Variants in TENM3 observed in about 807,000 individuals in gnomAD.
The protein encoded by TENM3 is teneurin-3.
A neutral mutation model predicts 255.1 loss-of-function variants in TENM3; 63 were observed. That is an observed-to-expected ratio of 0.25 (90% CI 0.20 to 0.30). TENM3 has a LOEUF of 0.30. Ranked by LOEUF, TENM3 falls within the 10% of genes least tolerant of loss-of-function variation. The pLI, the probability that TENM3 is intolerant of heterozygous loss-of-function variation, is 1.00. For missense variants in TENM3, 2,929 were observed against 3,461.1 expected (o/e 0.85, Z 3.86); for synonymous variants, 1,306 against 1,322.3 (o/e 0.99, Z 0.27).
At chr4:181,758,604 C>T in the TENM3 span, among the ~76,000 whole-genome samples, 61,420 of 151,700 alleles carry the variant, frequency 0.4, 12,806 homozygotes, top group African/African-American at 0.53. Flanking sequence ...AGGATAATTG[C>T]ACCTTACGGA....
chr4:182,101,666 G>A, the TENM3 span, among the ~76,000 whole-genome samples: 8 of 152,258 alleles, frequency 5.3e-5, no homozygotes, highest in South Asian at 8.3e-4. Flanking sequence ...CAAAGTTCCC[G>A]TGAGACAGGA....
the TENM3 span, among the ~76,000 whole-genome samples, chr4:181,531,810 G>T: frequency 6.6e-6 from 1 of 152,196 alleles, no homozygotes; most frequent in African/African-American, 2.4e-5. Context: ...CTTCCCTGAG[G>T]CACTGCTGCT....
the TENM3 span, among the ~76,000 whole-genome samples, chr4:182,119,009 C>T: frequency 1.2e-4 from 18 of 152,182 alleles, no homozygotes; most frequent in East Asian, 5.8e-4. Context: ...GGAAGCATTC[C>T]GTAGTCCCAT....
At chr4:182,414,837 A>G (rs1420698140) in intron 3 of TENM3, among the ~76,000 whole-genome samples, 1 of 152,202 alleles carries the variant, frequency 6.6e-6, no homozygotes, top group African/African-American at 2.4e-5. Context: ...ACACACACAC[A>G]AAGATAAATG....
chr4:182,660,915 G>A (rs1289285609), intron 6 of TENM3, among the ~76,000 whole-genome samples: 1 of 152,116 alleles, frequency 6.6e-6, no homozygotes, highest in Non-Finnish European at 1.5e-5. Flanking sequence ...AGGGAAAAGC[G>A]GAGTGTACCC....
In TENM3 at chr4:182,800,098, A is replaced by T. The variant is rs1326495990; in HGVS notation, c.7847A>T (p.Glu2616Val). The T allele has an allele frequency of 6.3e-7, 1 of 1,581,558 alleles. No homozygotes were observed. The highest frequency in any genetic ancestry group is 2.3e-5 in the East Asian group (1 of 43,460). The change falls in exon 28 of 28, where the codon GAG becomes GTG. Residue 2616 changes from glutamate (E) to valine (V), a missense_variant. Transcript: ENST00000511685. ...HVRYGMTLDE[E>V]KARILEQARQ... The stretch of plus-strand genomic sequence containing the variant: ...CGCTACGGCATGACCCTGGACGAGG[A>T]GAAGGCGCGCATCCTGGAGCAGGCG...
the TENM3 span, among the ~76,000 whole-genome samples, chr4:181,792,318 C>T: frequency 3.3e-5 from 5 of 151,864 alleles, no homozygotes; most frequent in Admixed American, 2.6e-4. Context: ...TATTTTGGCT[C>T]AAAAATGGAA....
chr4:181,647,183 CA>C, the TENM3 span, among the ~76,000 whole-genome samples: 2 of 152,046 alleles, frequency 1.3e-5, no homozygotes, highest in African/African-American at 4.8e-5. Context: ...AACCTAAGAC[CA>C]AGCAACAACT....
chr4:181,926,380 C>G, the TENM3 span, among the ~76,000 whole-genome samples: 1 of 152,074 alleles, frequency 6.6e-6, no homozygotes, highest in Admixed American at 6.6e-5. Context: ...GCAAGAAACC[C>G]AGCTAAAGTA....
intron 2 of TENM3, among the ~76,000 whole-genome samples, chr4:182,335,238 C>T (rs568368047): frequency 1.2e-3 from 176 of 149,860 alleles, no homozygotes; most frequent in Non-Finnish European, 2.3e-3. Flanking sequence ...GTGGCTCACG[C>T]CTGTAATCCC....
At chr4:181,717,970 A>T in the TENM3 span, among the ~76,000 whole-genome samples, 6 of 152,206 alleles carry the variant, frequency 3.9e-5, no homozygotes, top group Non-Finnish European at 5.9e-5. Context: ...ATAGCAGAAA[A>T]ATGCCTCTTC....
chr4:182,439,260 CT>C (rs1772275562), intron 3 of TENM3, among the ~76,000 whole-genome samples: 1 of 152,166 alleles, frequency 6.6e-6, no homozygotes, highest in Admixed American at 6.5e-5. Flanking sequence ...TTCACTCTCC[CT>C]TCTCTCCTCT....
rs150095333 is a variant in TENM3, at chr4:182,762,469, A to G, written c.4892+7210A>G. Among the ~76,000 whole-genome samples the G allele has an allele frequency of 4.8e-3, 734 of 152,342 alleles. 7 individuals carry two copies. The highest frequency in any genetic ancestry group is 0.017 in the African/African-American group (692 of 41,564). The stretch of plus-strand genomic sequence containing the variant: ...TGATAATAAAGCAATAAGTTTACAC[A>G]TGGACGATCAGTGCAAGAGAACTTT... On this transcript the variant is annotated intron_variant, in intron 22 of 27. Transcript: ENST00000511685.
intron 3 of TENM3, among the ~76,000 whole-genome samples, chr4:182,463,320 T>C (rs1561473917): frequency 6.6e-6 from 1 of 152,158 alleles, no homozygotes. Context: ...TACCACGTAA[T>C]GAGAACTATT....
intron 19 of TENM3, among the ~76,000 whole-genome samples, chr4:182,748,529 C>G (rs930568715): frequency 6.6e-6 from 1 of 152,202 alleles, no homozygotes; most frequent in African/African-American, 2.4e-5. Context: ...TGTCAACTCT[C>G]TATGCTCAAA....
chr4:181,978,911 G>A, the TENM3 span, among the ~76,000 whole-genome samples: 1 of 149,494 alleles, frequency 6.7e-6, no homozygotes, highest in Non-Finnish European at 1.5e-5. Flanking sequence ...AGCCACAATG[G>A]GTAATGGGTT....
chr4:182,588,482 C>G (rs1255775061), intron 3 of TENM3, among the ~76,000 whole-genome samples: 2 of 152,046 alleles, frequency 1.3e-5, no homozygotes, highest in South Asian at 4.1e-4. Flanking sequence ...CATATATACT[C>G]CATTTAAAGT....
At chr4:181,671,998 T>G in the TENM3 span, among the ~76,000 whole-genome samples, 1 of 152,326 alleles carries the variant, frequency 6.6e-6, no homozygotes, top group South Asian at 2.1e-4. Context: ...CTCTTGAAAT[T>G]TAGACTGCAA....
At chr4:181,548,482 TA>T in the TENM3 span, among the ~76,000 whole-genome samples, 113 of 152,224 alleles carry the variant, frequency 7.4e-4, 1 homozygote, top group African/African-American at 9.1e-4. Flanking sequence ...TATGCAGCCA[TA>T]AAAAAATGAT....
Sources: allele counts gnomAD v4.1 joint callset (sites outside exome capture counted in the v4.1 genomes callset), GRCh38; gene constraint gnomAD v4.1.1; transcripts MANE v1.5; gene names NCBI Gene and HGNC (gene_info 2026-07-23, HGNC 2026-07-21).